TIGD2: variants seen among roughly 807,000 people sequenced by gnomAD.
TIGD2 encodes the protein tigger transposable element derived 2, also known as tigger transposable element-derived protein 2.
Under a neutral mutation model 27.0 loss-of-function variants are expected in TIGD2, and 14 were observed. The ratio of observed to expected loss-of-function variants is 0.52; its 90% CI spans 0.34 to 0.81. The LOEUF is 0.81. Ranked by LOEUF, TIGD2 falls within the 30% of genes least tolerant of loss-of-function variation. The probability of loss-of-function intolerance (pLI) is 0.01; values close to 1 mark genes in which losing one functional copy is unlikely to be tolerated. For missense variants in TIGD2, 590 were observed against 617.3 expected (o/e 0.96, Z 0.47); for synonymous variants, 201 against 209.0 (o/e 0.96, Z 0.33).
At chr4:89,111,502 A>C (rs1490798603), upstream of TIGD2, 6 of 151,686 alleles carry the variant, frequency 4.0e-5, no homozygotes, top group African/African-American at 1.5e-4. Flanking sequence ...TCGCCGGCAC[A>C]ACGTTCTGCG....
At position 89,114,816 on chromosome 4, in the gene TIGD2, T is replaced by A. The variant is rs8582; in HGVS notation, c.*264T>A. On this transcript the variant is annotated 3_prime_UTR_variant, in exon 2 of 2. Transcript: ENST00000603357. ...CTGAGGCCAGGGATCTTGTGTCTGT[T>A]GTGCCTGAATTTGGCGTGTCTAATA... 0.15 allele frequency: 50,251 copies of A among 335,560 alleles called. 4,196 individuals are homozygous for A. Among genetic ancestry groups the A allele is most frequent in the Non-Finnish European group, 0.18 (31,262 of 175,140 alleles). 20.8% of individuals were successfully genotyped at this position (335,560 alleles called of 1,614,324 possible). A position where few individuals can be genotyped will look rare whatever the true frequency, so the allele number is the denominator to read the frequency against.
rs1350242116 is a variant in TIGD2 at position 89,111,789 on chromosome 4, T to C, written c.-1003T>C. ...GCGTCCAGGCGGAATCCGGGCTCCC[T>C]CCGCGGGAGGAAAGACGTCCCGCGC... On this transcript the variant is annotated 5_prime_UTR_variant, in exon 1 of 2. Coordinates refer to ENST00000603357, the MANE Select transcript of TIGD2 (RefSeq NM_145715.3). 6.6e-6 allele frequency: 1 copy of C among 152,124 alleles called. No homozygotes were observed. The highest frequency in any genetic ancestry group is 1.9e-4 in the East Asian group (1 of 5,170). The allele number at this position is 152,124 out of a possible 1,614,324, so 9.4% of individuals were successfully genotyped here. A position where few individuals can be genotyped will look rare whatever the true frequency, so the allele number is the denominator to read the frequency against.
chr4:89,113,012 A>C lies in TIGD2; in HGVS notation c.38A>C (p.Lys13Thr). The change falls in exon 2 of 2, where the codon AAG (lysine) becomes ACG (threonine). Residue 13 changes from lysine to threonine, a missense_variant. Physicochemically the swap from Lys to Thr is moderately conservative, Grantham distance 78. Around this residue, in one of 3 missense-constraint regions of TIGD2, gnomAD observed 92 missense variants for 89.6 expected, o/e 1.03. Transcript: ENST00000603357. The stretch of plus-strand genomic sequence containing the variant: ...CGTAAGCGTGTGGTGTTGACAATTA[A>C]GGACAAGCTTGACATTATTAAGAAA... ...GKRKRVVLTI[K>T]DKLDIIKKLE... 6.2e-7 allele frequency: 1 copy of C among 1,602,366 alleles called. No homozygotes were observed. The highest frequency in any genetic ancestry group is 8.5e-7 in the Non-Finnish European group (1 of 1,175,826).
At position 89,113,918 on chromosome 4, in the gene TIGD2, T is replaced by A. The variant is rs1455760744; in HGVS notation, c.944T>A (p.Leu315Ter). 1 of 1,614,162 alleles carries A rather than the reference T, an allele frequency of 6.2e-7. No individual in the cohort carries two copies. The highest frequency in any genetic ancestry group is 1.7e-5 in the Admixed American group (1 of 60,032). Residue 315 changes from leucine (L) to a stop codon, truncating the protein, a stop_gained, in exon 2 of 2, where the codon TTG (leucine) becomes TAG (stop). Transcript: ENST00000603357. LOFTEE classifies it high-confidence loss of function. Reference protein sequence around the residue: ...SDDGRIIVKYLPPNVTSLIQP... With the variant: ...SDDGRIIVKY ...GATGGCAGAATAATTGTGAAGTATTTGCCACCAAATGTCACAAGTCTGATT... is the reference window on the plus strand; with the variant it reads ...GATGGCAGAATAATTGTGAAGTATTAGCCACCAAATGTCACAAGTCTGATT...
chr4:89,112,501 C>T lies in TIGD2; in HGVS notation c.-474C>T, dbSNP rs1408872976. 1 of 153,230 alleles carries T rather than the reference C, an allele frequency of 6.5e-6. No homozygotes were observed. Among genetic ancestry groups the T allele is most frequent in the Non-Finnish European group, 1.5e-5 (1 of 68,954 alleles). The allele number at this position is 153,230 out of a possible 1,614,324, so 9.5% of individuals were successfully genotyped here. On this transcript the variant is annotated 5_prime_UTR_variant, in exon 2 of 2. Transcript: ENST00000603357. The stretch of plus-strand genomic sequence containing the variant: ...ACCACATAGTCAGAGGGTGAGTTTT[C>T]CCATTGTATTTTCCTGTATGTCAAG...
In TIGD2 at chr4:89,113,985, C is replaced by T. The variant is rs1022962423; in HGVS notation, c.1011C>T (p.Tyr337=). 3 of 1,614,018 alleles carry T rather than the reference C, an allele frequency of 1.9e-6. No individual in the cohort carries two copies. The highest frequency in any genetic ancestry group is 2.5e-6 in the Non-Finnish European group (3 of 1,179,982). ...SQGVLATVKR[Y]YRAGLLQKYM... ...GAGTTCTAGCCACTGTAAAAAGATA[C>T]TATCGAGCAGGACTTCTCCAGAAAT... Residue 337 remains tyrosine (Y), a synonymous_variant, in exon 2 of 2, where the codon TAC becomes TAT. Transcript: ENST00000603357.
At position 89,111,708 on chromosome 4, in the gene TIGD2, G is replaced by A. The variant is rs1183687242; in HGVS notation, c.-1084G>A. On this transcript the variant is annotated 5_prime_UTR_variant, in exon 1 of 2. It adds an upstream start codon to the 5' untranslated region. Transcript: ENST00000603357. ...CGGGGCCGGCGGACTGGCGTTCCCTGTGCCAAGCGGCCGCCCGCTGGCTGG... is the reference window on the plus strand; with the variant it reads ...CGGGGCCGGCGGACTGGCGTTCCCTATGCCAAGCGGCCGCCCGCTGGCTGG... 2 of 152,196 alleles carry A rather than the reference G, an allele frequency of 1.3e-5. No individual in the cohort carries two copies. Among genetic ancestry groups the A allele is most frequent in the South Asian group, 2.1e-4 (1 of 4,834 alleles). The allele number at this position is 152,196 out of a possible 1,614,324, so 9.4% of individuals were successfully genotyped here.
In TIGD2 at chr4:89,114,742, A is replaced by G; in HGVS notation, c.*190A>G. On this transcript the variant is annotated 3_prime_UTR_variant, in exon 2 of 2. Coordinates refer to ENST00000603357, the MANE Select transcript of TIGD2 (RefSeq NM_145715.3). ...TCTAGTCATTGGGCATTGACGTGTAACTTGTCTTTCTACTGTTTCTAATAT... is the reference window on the plus strand; with the variant it reads ...TCTAGTCATTGGGCATTGACGTGTAGCTTGTCTTTCTACTGTTTCTAATAT... 2 of 581,394 alleles carry G rather than the reference A, an allele frequency of 3.4e-6. No individual in the cohort carries two copies. The highest frequency in any genetic ancestry group is 6.0e-6 in the Non-Finnish European group (2 of 333,828). 36.0% of individuals were successfully genotyped at this position (581,394 alleles called of 1,614,324 possible).
rs373016006 is a variant in TIGD2 at position 89,113,943 on chromosome 4, T to C, written c.969T>C (p.Ile323=). 1.2e-6 allele frequency: 2 copies of C among 1,614,118 alleles called. No homozygotes were observed. Among genetic ancestry groups the C allele is most frequent in the Non-Finnish European group, 1.7e-6 (2 of 1,179,980 alleles). The change falls in exon 2 of 2, where the codon ATT becomes ATC. Residue 323 remains isoleucine, a synonymous_variant. Coordinates refer to ENST00000603357, the MANE Select transcript of TIGD2 (RefSeq NM_145715.3). ...TGCCACCAAATGTCACAAGTCTGAT[T>C]CAACCAATGAGCCAGGGAGTTCTAG... is the stretch of plus-strand genomic sequence containing the variant. The part of the protein sequence containing the change: ...KYLPPNVTSL[I]QPMSQGVLAT...
chr4:89,114,560 CTT>C lies in TIGD2; in HGVS notation c.*9_*10del, dbSNP rs751300940. 6.4e-6 allele frequency: 10 copies of C among 1,569,782 alleles called. No individual in the cohort carries two copies. In the East Asian group the frequency reaches 2.3e-4, roughly 36 times the overall value. On this transcript the variant is annotated 3_prime_UTR_variant, in exon 2 of 2. Coordinates refer to ENST00000603357, the MANE Select transcript of TIGD2 (RefSeq NM_145715.3). ...AATAACAAAAATCATTAATAAGGCTCTTAAGTATTTCAGTGTATCTGCATCTT... is the reference window on the plus strand; with the variant it reads ...AATAACAAAAATCATTAATAAGGCTCAAGTATTTCAGTGTATCTGCATCTT...
Position 89,113,576 on chromosome 4 carries a change from G to T in TIGD2, c.602G>T (p.Gly201Val), listed in dbSNP as rs775145785. Residue 201 changes from glycine to valine, a missense_variant, in exon 2 of 2, where the codon GGG (glycine) becomes GTG (valine). Coordinates refer to ENST00000603357, the MANE Select transcript of TIGD2 (RefSeq NM_145715.3). ...LTLETDQSTS[G>V]CRSSRERIII... ...CTTGAAACTGACCAAAGTACTTCTG[G>T]GTGTAGGTCAAGCAGAGAGAGAATC... 6.2e-7 allele frequency: 1 copy of T among 1,614,082 alleles called. No homozygotes were observed.
Position 89,113,496 on chromosome 4 carries a change from T to C in TIGD2, c.522T>C (p.Tyr174=). The C allele has an allele frequency of 6.2e-7, 1 of 1,614,058 alleles. No homozygotes were observed. Among genetic ancestry groups the C allele is most frequent in the Non-Finnish European group, 8.5e-7 (1 of 1,179,914 alleles). The change falls in exon 2 of 2, where the codon TAT becomes TAC. Residue 174 remains tyrosine, a synonymous_variant. Transcript: ENST00000603357. ...AGAATCTACAACCAGAGCAAATTTA[T>C]GGTGCTGATCAAACTGGATTGTTTT... is the stretch of plus-strand genomic sequence containing the variant. ...EKENLQPEQI[Y]GADQTGLFWK...
Position 89,114,182 on chromosome 4 carries a change from G to C in TIGD2, c.1208G>C (p.Gly403Ala), listed in dbSNP as rs1721167603. ...EENSGMNIDE[G>A]AILAANLATV... ...AATTCAGGTATGAACATTGATGAAG[G>C]AGCCATTTTAGCAGCTAATTTAGCA... is the stretch of plus-strand genomic sequence containing the variant. The change falls in exon 2 of 2, where the codon GGA (glycine) becomes GCA (alanine). Residue 403 changes from glycine (G) to alanine (A), a missense_variant. This residue lies in a region of TIGD2 where 451 missense variants were observed against 448.0 expected (regional missense o/e 1.01). Transcript: ENST00000603357. 3 of 1,614,020 alleles carry C rather than the reference G, an allele frequency of 1.9e-6. No homozygotes were observed. The East Asian group carries it at 6.7e-5, about 36-fold the overall frequency.
upstream of TIGD2, chr4:89,111,196 G>C: frequency 1.0e-6 from 1 of 985,440 alleles, no homozygotes; most frequent in Non-Finnish European, 1.2e-6. Flanking sequence ...CTCCCGGCAC[G>C]CGAGGATCCT....
chr4:89,113,074 G>C lies in TIGD2; in HGVS notation c.100G>C (p.Val34Leu). ...CATCTCTTTCAAAAAACTTTCCGTG[G>C]TGTACGGAATTGGTGAATCCACAGT... Reference protein sequence around the residue: ...EGISFKKLSVVYGIGESTVRD... With the variant: ...EGISFKKLSVLYGIGESTVRD... The change falls in exon 2 of 2, where the codon GTG becomes CTG. Residue 34 changes from valine (V) to leucine (L), a missense_variant. This residue lies in a region of TIGD2 where 92 missense variants were observed against 89.6 expected (regional missense o/e 1.03). Transcript: ENST00000603357. 6.2e-7 allele frequency: 1 copy of C among 1,613,480 alleles called. No individual in the cohort carries two copies. Among genetic ancestry groups the C allele is most frequent in the East Asian group, 2.2e-5 (1 of 44,886 alleles).
chr4:89,114,258 T>C lies in TIGD2; in HGVS notation c.1284T>C (p.Ile428=), dbSNP rs146343241. The change falls in exon 2 of 2, where the codon ATT becomes ATC. Residue 428 remains isoleucine (I), a synonymous_variant. Transcript: ENST00000603357. ...GTGAACATGTTGACATTGAGAATAT[T>C]GATCAGTGGTTCGACTCTCGGAGCA... The part of the protein sequence containing the change: ...EECEHVDIEN[I]DQWFDSRSSD... 206 of 1,614,130 alleles carry C rather than the reference T, an allele frequency of 1.3e-4. 1 individual carries two copies. In the African/African-American group the frequency reaches 2.5e-3, roughly 20 times the overall value.
rs758110574 is a variant in TIGD2 at position 89,114,586 on chromosome 4, T to C, written c.*34T>C. 2.6e-6 allele frequency: 4 copies of C among 1,524,458 alleles called. No homozygotes were observed. Among genetic ancestry groups the C allele is most frequent in the Non-Finnish European group, 3.5e-6 (4 of 1,134,368 alleles). 94.4% of individuals were successfully genotyped at this position (1,524,458 alleles called of 1,614,324 possible). ...TTAAGTATTTCAGTGTATCTGCATC[T>C]TTGTGACTATCTGCAGTGAAACTTT... On this transcript the variant is annotated 3_prime_UTR_variant, in exon 2 of 2. Transcript: ENST00000603357.
At position 89,113,996 on chromosome 4, in the gene TIGD2, G is replaced by T. The variant is rs933845201; in HGVS notation, c.1022G>T (p.Gly341Val). Reference protein sequence around the residue: ...LATVKRYYRAGLLQKYMDEGN... With the variant: ...LATVKRYYRAVLLQKYMDEGN... ...ACTGTAAAAAGATACTATCGAGCAG[G>T]ACTTCTCCAGAAATACATGGATGAA... is the stretch of plus-strand genomic sequence containing the variant. Residue 341 changes from glycine (G) to valine (V), a missense_variant, in exon 2 of 2, where the codon GGA (glycine) becomes GTA (valine). Physicochemically the swap from Gly to Val is moderately radical, Grantham distance 109. Coordinates refer to ENST00000603357, the MANE Select transcript of TIGD2 (RefSeq NM_145715.3). 2.5e-6 allele frequency: 4 copies of T among 1,613,942 alleles called. No homozygotes were observed. Among genetic ancestry groups the T allele is most frequent in the Non-Finnish European group, 2.5e-6 (3 of 1,180,016 alleles).
chr4:89,113,678 G>A lies in TIGD2; in HGVS notation c.704G>A (p.Arg235Gln), dbSNP rs771283494. ...LCVVGKAKKP[R>Q]AFKGTDLSNL... Reference sequence around the variant, plus strand: ...GTTGTGGGGAAGGCCAAAAAGCCCCGAGCATTCAAAGGCACTGACCTTTCA... The same window carrying A: ...GTTGTGGGGAAGGCCAAAAAGCCCCAAGCATTCAAAGGCACTGACCTTTCA... The change falls in exon 2 of 2, where the codon CGA becomes CAA. Residue 235 changes from arginine to glutamine, a missense_variant. Transcript: ENST00000603357. The A allele has an allele frequency of 2.3e-5, 37 of 1,614,014 alleles. No individual in the cohort carries two copies. The highest frequency in any genetic ancestry group is 3.0e-5 in the Non-Finnish European group (35 of 1,180,042).
Sources: allele counts gnomAD v4.1 joint callset, GRCh38; gene constraint gnomAD v4.1.1; regional missense constraint gnomAD v4.1.1; transcripts MANE v1.5; gene names NCBI Gene and HGNC (gene_info 2026-07-23, HGNC 2026-07-21).